The following PLEKHG6 variants were observed in gnomAD, a reference collection of about 807,000 sequenced individuals.
PLEKHG6 encodes the protein pleckstrin homology and RhoGEF domain containing G6.
A neutral mutation model predicts 97.5 loss-of-function variants in PLEKHG6; 91 were observed. That is an observed-to-expected ratio of 0.93 (90% CI 0.79 to 1.11). The LOEUF (loss-of-function observed/expected upper bound fraction) is 1.11, where lower values mean the gene tolerates loss of function less well. Among genes scored for constraint, PLEKHG6 ranks in the 50% most tolerant of loss-of-function variants. The pLI is 0.00. For synonymous variants in PLEKHG6, 466 were observed against 425.5 expected (o/e 1.10, Z -1.17); for missense variants, 1,044 against 1,031.0 (o/e 1.01, Z -0.17).
chr12:6,325,911 A>G (rs533357596), intron 13 of PLEKHG6, among the ~76,000 whole-genome samples: 1 of 152,294 alleles, frequency 6.6e-6, no homozygotes, highest in South Asian at 2.1e-4. Flanking sequence ...TCTTATGGTA[A>G]GAAGTACCCC....
rs2136752187 is a variant in PLEKHG6, at chr12:6,318,213, T to A, written c.1156-88T>A. ...TGGGGGAAGGATACAAACAGAAAGG[T>A]GTTGGTGGCAGAACCAGGAGCCGCC... On this transcript the variant is annotated intron_variant, in intron 10 of 15. Transcript: ENST00000684764. The A allele has an allele frequency of 1.9e-6, 3 of 1,583,734 alleles. No homozygotes were observed. The South Asian group carries it at 3.4e-5, about 18-fold the overall frequency.
chr12:6,313,728 G>C lies in PLEKHG6; in HGVS notation c.238G>C (p.Glu80Gln). The C allele has an allele frequency of 6.2e-7, 1 of 1,611,454 alleles. No homozygotes were observed. Among genetic ancestry groups the C allele is most frequent in the Non-Finnish European group, 8.5e-7 (1 of 1,178,888 alleles). ...CATGAGACTGCGAGATCCAGAGCCC[G>C]AGAAGAGGCACGGGGGCCATGTGGG... ...SPMRLRDPEP[E>Q]KRHGGHVGAG... Residue 80 changes from glutamate to glutamine, a missense_variant, in exon 3 of 16, where the codon GAG becomes CAG. By Grantham distance (29) the Glu-to-Gln change is conservative (BLOSUM62 2). Coordinates refer to ENST00000684764, the MANE Select transcript of PLEKHG6 (RefSeq NM_001384598.1).
intron 3 of PLEKHG6, 47 bp from the exon 4 acceptor site, chr12:6,314,958 G>A (rs759080560): frequency 1.9e-6 from 3 of 1,581,896 alleles, no homozygotes; most frequent in East Asian, 2.3e-5. Context: ...CCTGTGGCTG[G>A]GTGCCAAGGA....
chr12:6,318,484 C>T (rs1947572302), intron 11 of PLEKHG6, 64 bp downstream of exon 11: 27 of 1,530,436 alleles, frequency 1.8e-5, no homozygotes, highest in African/African-American at 6.9e-5. Flanking sequence ...GAGGCAGAAA[C>T]GCCGGAAGTG....
In PLEKHG6 at chr12:6,317,321, C is replaced by A. The variant is rs771516017; in HGVS notation, c.775C>A (p.Pro259Thr). 1.9e-6 allele frequency: 3 copies of A among 1,613,770 alleles called. No individual in the cohort carries two copies. Among genetic ancestry groups the A allele is most frequent in the Non-Finnish European group, 2.5e-6 (3 of 1,179,736 alleles). The change falls in exon 8 of 16, where the codon CCC becomes ACC. Residue 259 changes from proline (P) to threonine (T), a missense_variant. Transcript: ENST00000684764. Reference sequence around the variant, plus strand: ...TCTCCAGTTTGGCCAGCGGTTCCACCCCTATGTCCAGTACTGCCTCCGAGT... The same window carrying A: ...TCTCCAGTTTGGCCAGCGGTTCCACACCTATGTCCAGTACTGCCTCCGAGT... The part of the protein sequence containing the change: ...GFLTFGQRFH[P>T]YVQYCLRVKQ...
Position 6,327,414 on chromosome 12 carries a change from A to G in PLEKHG6, c.1831A>G (p.Arg611Gly). 6.2e-7 allele frequency: 1 copy of G among 1,614,142 alleles called. No homozygotes were observed. Among genetic ancestry groups the G allele is most frequent in the Non-Finnish European group, 8.5e-7 (1 of 1,180,002 alleles). Residue 611 changes from arginine to glycine, a missense_variant, in exon 15 of 16, where the codon AGA (arginine) becomes GGA (glycine). Coordinates refer to ENST00000684764, the MANE Select transcript of PLEKHG6 (RefSeq NM_001384598.1). ...SRSPLSRLRQRALRRDPRLTF... is the reference protein window; with the variant it reads ...SRSPLSRLRQGALRRDPRLTF... Reference sequence around the variant, plus strand: ...CTCCCCACTGAGCCGTCTACGCCAAAGAGCCCTTCGGCGGGACCCTCGCCT... The same window carrying G: ...CTCCCCACTGAGCCGTCTACGCCAAGGAGCCCTTCGGCGGGACCCTCGCCT...
rs1321595045 is a variant in PLEKHG6, at chr12:6,319,088, G to A, written c.1504G>A (p.Glu502Lys). ...TCCTACAGACCGTGCCCAGTGGCTG[G>A]AGAAGACCCAGCAGGCCCAGGTATG... ...PSPTDRAQWLEKTQQAQAALQ... is the reference protein window; with the variant it reads ...PSPTDRAQWLKKTQQAQAALQ... Residue 502 changes from glutamate (E) to lysine (K), a missense_variant, in exon 13 of 16, where the codon GAG (glutamate) becomes AAG (lysine). Physicochemically the swap from Glu to Lys is moderately conservative, Grantham distance 56. Coordinates refer to ENST00000684764, the MANE Select transcript of PLEKHG6 (RefSeq NM_001384598.1). 2 of 1,607,278 alleles carry A rather than the reference G, an allele frequency of 1.2e-6. No homozygotes were observed. The highest frequency in any genetic ancestry group is 1.7e-6 in the Non-Finnish European group (2 of 1,174,730).
intron 13 of PLEKHG6, chr12:6,319,585 C>G: frequency 6.5e-7 from 1 of 1,535,828 alleles, no homozygotes. Context: ...GGAGGCAGAG[C>G]CTCCACCATC....
chr12:6,318,052 G>A, intron 10 of PLEKHG6, 58 bp downstream of exon 10: 1 of 1,518,740 alleles, frequency 6.6e-7, no homozygotes, highest in Non-Finnish European at 8.9e-7. Context: ...TACTGGTGAA[G>A]GGGAGGGCTG....
chr12:6,312,992 T>C (rs775320924), intron 2 of PLEKHG6: 35 of 1,437,270 alleles, frequency 2.4e-5, no homozygotes, highest in Non-Finnish European at 3.2e-5. Flanking sequence ...GAGATGGGAC[T>C]TTCCTAGGCT....
chr12:6,319,659 C>T (rs1448627230), intron 13 of PLEKHG6: 2 of 1,535,432 alleles, frequency 1.3e-6, no homozygotes, highest in African/African-American at 2.7e-5. Context: ...GCCCAAGATA[C>T]AGCATCCCCT....
chr12:6,316,038 G>T lies in PLEKHG6; in HGVS notation c.606+119G>T. The T allele has an allele frequency of 2.0e-6, 2 of 1,018,258 alleles. No homozygotes were observed. The allele number at this position is 1,018,258 out of a possible 1,614,324, so 63.1% of individuals were successfully genotyped here. A position where few individuals can be genotyped will look rare whatever the true frequency, so the allele number is the denominator to read the frequency against. On this transcript the variant is annotated intron_variant, in intron 6 of 15. Transcript: ENST00000684764. This position sits in a 1 kb window ranked among gnomAD's most constrained non-coding sequence, Gnocchi z 4.1. ...ACTGCCCCGTTTTTTGGGATGCCTT[G>T]CCCTCCCTACTTCCCTGTTACTGGG...
At position 6,316,754 on chromosome 12, in the gene PLEKHG6, C is replaced by G. The variant is rs1430563656; in HGVS notation, c.756+350C>G. On this transcript the variant is annotated intron_variant, in intron 7 of 15. Transcript: ENST00000684764. This position sits in a 1 kb window ranked among gnomAD's most constrained non-coding sequence, Gnocchi z 4.1. ...GGTGTAAAAGGCCACAGGAGGCACC[C>G]GGGGCACGGAGAAGAGTGACAAGAG... Among the ~76,000 whole-genome samples, 1 of 152,086 alleles carries G rather than the reference C, an allele frequency of 6.6e-6. No individual in the cohort carries two copies. Among genetic ancestry groups the G allele is most frequent in the African/African-American group, 2.4e-5 (1 of 41,390 alleles).
At chr12:6,318,268 A>G (rs1947559508) in intron 10 of PLEKHG6, 33 bp from the exon 11 acceptor site, 2 of 1,612,908 alleles carry the variant, frequency 1.2e-6, no homozygotes, top group African/African-American at 1.3e-5. Flanking sequence ...CAGACTGCCG[A>G]GCGCCCTGAC....
At position 6,315,891 on chromosome 12, in the gene PLEKHG6, A is replaced by G. The variant is rs777104692; in HGVS notation, c.578A>G (p.Asn193Ser). 3 of 1,578,034 alleles carry G rather than the reference A, an allele frequency of 1.9e-6. No individual in the cohort carries two copies. Among genetic ancestry groups the G allele is most frequent in the Non-Finnish European group, 2.6e-6 (3 of 1,161,716 alleles). The change falls in exon 6 of 16, where the codon AAC (asparagine) becomes AGC (serine). Residue 193 changes from asparagine (N) to serine (S), a missense_variant. Physicochemically the swap from Asn to Ser is conservative, Grantham distance 46. Coordinates refer to ENST00000684764, the MANE Select transcript of PLEKHG6 (RefSeq NM_001384598.1). This position sits in a 1 kb window ranked among gnomAD's most constrained non-coding sequence, Gnocchi z 4.5. ...CAGCTGCTAGCCGCCGGCCTGCTGAACCTGCAGCGAGTGGGACTGCTGATG... is the reference window on the plus strand; with the variant it reads ...CAGCTGCTAGCCGCCGGCCTGCTGAGCCTGCAGCGAGTGGGACTGCTGATG... The part of the protein sequence containing the change: ...MTDLLAAGLL[N>S]LQRVGLLMEV...
intron 13 of PLEKHG6, among the ~76,000 whole-genome samples, chr12:6,323,526 G>C (rs1215494963): frequency 6.6e-6 from 1 of 152,232 alleles, no homozygotes. Flanking sequence ...GAGAAAGTAA[G>C]CTTCTCCAGG....
At chr12:6,319,698 C>T in intron 13 of PLEKHG6, 1 of 1,525,184 alleles carries the variant, frequency 6.6e-7, no homozygotes, top group Non-Finnish European at 8.8e-7. Context: ...AAATGATTAA[C>T]TTCTAGAAGT....
intron 2 of PLEKHG6, 199 bp downstream of exon 2, chr12:6,312,563 C>T: frequency 8.3e-7 from 1 of 1,206,080 alleles, no homozygotes; most frequent in East Asian, 3.2e-5. Context: ...GTCCCAGCAG[C>T]TGGGCAGGAG....
At chr12:6,313,264 C>A in intron 2 of PLEKHG6, 2 of 1,348,352 alleles carry the variant, frequency 1.5e-6, no homozygotes, top group Non-Finnish European at 2.1e-6. Context: ...ATGCTGTGTG[C>A]ACCACGCCTT....
Sources: gnomAD v4.1 joint callset for allele counts (sites outside exome capture counted in the v4.1 genomes callset) on GRCh38, gnomAD v4.1.1 for gene constraint, Gnocchi (gnomAD v3.1) non-coding constraint, MANE v1.5 for transcripts, NCBI Gene and HGNC (gene_info 2026-07-23, HGNC 2026-07-21) for gene names.